HMCN1: variants seen among roughly 807,000 people sequenced by gnomAD.
The protein encoded by HMCN1 is hemicentin 1.
In HMCN1, 321 loss-of-function variants were observed where a neutral mutation model predicts 625.9. That is an observed-to-expected ratio of 0.51 (90% CI 0.47 to 0.56). The LOEUF is 0.56. Among genes scored for constraint, HMCN1 ranks in the 20% least tolerant of loss-of-function variants. HMCN1 has a pLI of 0.00. For missense variants in HMCN1, 6,588 were observed against 6,887.3 expected (o/e 0.96, Z 1.54); for synonymous variants, 2,425 against 2,417.6 (o/e 1.00, Z -0.09).
chr1:186,091,051 C>G (rs1659814988), intron 64 of HMCN1, 134 bp downstream of exon 64: 1 of 1,039,164 alleles, frequency 9.6e-7, no homozygotes, highest in South Asian at 1.5e-5. Context: ...CACAAAGAAA[C>G]AAAAAACTTT....
At chr1:185,858,523 G>C (rs1571457100) in intron 2 of HMCN1, among the ~76,000 whole-genome samples, 1 of 133,554 alleles carries the variant, frequency 7.5e-6, no homozygotes, top group East Asian at 2.4e-4. Flanking sequence ...CACTTACCCA[G>C]AGCCTTCTGA....
chr1:186,167,183 T>C (rs186579637), intron 100 of HMCN1, among the ~76,000 whole-genome samples: 1 of 152,328 alleles, frequency 6.6e-6, no homozygotes, highest in East Asian at 1.9e-4. Context: ...CCACAGCTAT[T>C]TTAAATATGT....
At chr1:186,094,082 G>T (rs985233515) in intron 66 of HMCN1, among the ~76,000 whole-genome samples, 194 bp from the exon 67 acceptor site, 4 of 152,008 alleles carry the variant, frequency 2.6e-5, no homozygotes, top group African/African-American at 7.2e-5. Flanking sequence ...GTGGTTTATT[G>T]TCACTGCCTA....
At chr1:185,742,307 T>C (rs934376656) in intron 1 of HMCN1, among the ~76,000 whole-genome samples, 1 of 152,192 alleles carries the variant, frequency 6.6e-6, no homozygotes, top group African/African-American at 2.4e-5. Flanking sequence ...GGGAGAAATA[T>C]TGACGTTATA....
chr1:186,182,195 C>G lies in HMCN1; in HGVS notation c.16322C>G (p.Ala5441Gly). ...VDIDECENTD[A>G]CQHECKNTFG... is the part of the protein sequence containing the mutation. ...ATTGATGAATGTGAAAATACAGATG[C>G]CTGCCAGCATGAGTGTAAGAATACC... The change falls in exon 105 of 107, where the codon GCC becomes GGC. Residue 5441 changes from alanine to glycine, a missense_variant. Physicochemically the swap from Ala to Gly is moderately conservative, Grantham distance 60 (BLOSUM62 0). Transcript: ENST00000271588. 1 of 1,613,308 alleles carries G rather than the reference C, an allele frequency of 6.2e-7. No individual in the cohort carries two copies. Among genetic ancestry groups the G allele is most frequent in the African/African-American group, 1.3e-5 (1 of 74,968 alleles).
chr1:186,093,205 T>C lies in HMCN1; in HGVS notation c.9959T>C (p.Val3320Ala). 6.2e-7 allele frequency: 1 copy of C among 1,613,310 alleles called. No individual in the cohort carries two copies. ...LTSDTGKYTC[V>A]ATNPAGEEDR... Reference sequence around the variant, plus strand: ...TCTGACACGGGGAAATACACATGTGTTGCTACTAATCCCGCTGGAGAAGAA... The same window carrying C: ...TCTGACACGGGGAAATACACATGTGCTGCTACTAATCCCGCTGGAGAAGAA... The change falls in exon 65 of 107, where the codon GTT (valine) becomes GCT (alanine). Residue 3320 changes from valine to alanine, a missense_variant. This residue lies in a region of HMCN1 where 4,628 missense variants were observed against 4,853.1 expected (regional missense o/e 0.95). Transcript: ENST00000271588.
At chr1:185,855,208 A>G (rs1430154993) in intron 2 of HMCN1, among the ~76,000 whole-genome samples, 1 of 152,178 alleles carries the variant, frequency 6.6e-6, no homozygotes, top group Non-Finnish European at 1.5e-5. Context: ...CAAACAAGGG[A>G]ACCACTTGTT....
intron 11 of HMCN1, among the ~76,000 whole-genome samples, chr1:185,942,156 A>C (rs1393015132): frequency 6.7e-6 from 1 of 149,216 alleles, no homozygotes; most frequent in Non-Finnish European, 1.5e-5. Context: ...ACGCCACTGC[A>C]CTCCAGCCTG....
Position 186,187,944 on chromosome 1 carries a change from G to A in HMCN1, c.16476G>A (p.Met5492Ile). ...HCGPNRMCFN[M>I]RGSYQCIDTP... ...GACCCAATCGCATGTGCTTCAACATGAGAGGAAGCTACCAGTGCATCGATA... is the reference window on the plus strand; with the variant it reads ...GACCCAATCGCATGTGCTTCAACATAAGAGGAAGCTACCAGTGCATCGATA... Residue 5492 changes from methionine to isoleucine, a missense_variant, in exon 106 of 107, where the codon ATG (methionine) becomes ATA (isoleucine). By Grantham distance (10) the Met-to-Ile change is conservative. This residue lies in a region of HMCN1 where 1,954 missense variants were observed against 2,013.1 expected (regional missense o/e 0.97). Transcript: ENST00000271588. 1 of 1,613,766 alleles carries A rather than the reference G, an allele frequency of 6.2e-7. No individual in the cohort carries two copies. Among genetic ancestry groups the A allele is most frequent in the Non-Finnish European group, 8.5e-7 (1 of 1,179,736 alleles).
At chr1:186,158,868 G>A (rs1003448284) in intron 97 of HMCN1, among the ~76,000 whole-genome samples, 7 of 151,918 alleles carry the variant, frequency 4.6e-5, no homozygotes, top group South Asian at 2.1e-4. Context: ...GTCAGGTAGC[G>A]TGATGCCTCC....
At chr1:186,123,323 A>G in intron 81 of HMCN1, 103 bp downstream of exon 81, 1 of 1,335,792 alleles carries the variant, frequency 7.5e-7, no homozygotes, top group Non-Finnish European at 1.0e-6. Context: ...CCTTAAACTC[A>G]GTAATCCAAA....
chr1:185,984,410 G>GAGGAAC, intron 19 of HMCN1, 97 bp downstream of exon 19: 1 of 1,124,194 alleles, frequency 8.9e-7, no homozygotes. Flanking sequence ...ATTACAATTA[G>GAGGAAC]ATATCTCTCT....
intron 1 of HMCN1, among the ~76,000 whole-genome samples, chr1:185,777,966 G>A (rs1450246711): frequency 6.6e-6 from 1 of 152,184 alleles, no homozygotes; most frequent in Non-Finnish European, 1.5e-5. Context: ...GAAAGGGGCT[G>A]TGGCTGTCTA....
intron 43 of HMCN1, 110 bp downstream of exon 43, chr1:186,053,184 C>G: frequency 9.8e-7 from 1 of 1,018,644 alleles, no homozygotes; most frequent in Non-Finnish European, 1.5e-6. Context: ...GGTTTGCATA[C>G]TAAATGCTAG....
chr1:185,977,320 C>G (rs941194356), intron 15 of HMCN1, among the ~76,000 whole-genome samples: 2 of 151,904 alleles, frequency 1.3e-5, no homozygotes, highest in African/African-American at 2.4e-5. Flanking sequence ...ATAGTGTTAG[C>G]TTGTTATATA....
intron 15 of HMCN1, among the ~76,000 whole-genome samples, chr1:185,973,741 A>G (rs1558107964): frequency 6.6e-6 from 1 of 152,190 alleles, no homozygotes; most frequent in Admixed American, 6.5e-5. Flanking sequence ...TATCCTTTGT[A>G]AAAAGGGATA....
chr1:186,117,589 T>C lies in HMCN1; in HGVS notation c.11814T>C (p.Leu3938=). The C allele has an allele frequency of 6.2e-7, 1 of 1,613,890 alleles. No homozygotes were observed. The highest frequency in any genetic ancestry group is 8.5e-7 in the Non-Finnish European group (1 of 1,179,824). ...IHWTKNGIRL[L]PRGDGYRILS... is the part of the protein sequence containing the mutation. ...GGACCAAAAATGGTATAAGACTGCT[T>C]CCCAGGGGAGATGGCTATAGAATTC... Residue 3938 remains leucine, a synonymous_variant, in exon 77 of 107, where the codon CTT becomes CTC. Transcript: ENST00000271588.
chr1:186,045,197 A>T (rs1001848455), intron 40 of HMCN1, among the ~76,000 whole-genome samples: 15 of 152,192 alleles, frequency 9.9e-5, no homozygotes, highest in African/African-American at 3.6e-4. Flanking sequence ...ATTATCTGAC[A>T]CCAATTTTAT....
At chr1:186,012,868 A>G (rs1654094229) in intron 30 of HMCN1, among the ~76,000 whole-genome samples, 1 of 152,170 alleles carries the variant, frequency 6.6e-6, no homozygotes, top group Admixed American at 6.6e-5. Flanking sequence ...GTTTATTAGA[A>G]CAGGTATAGT....
Sources: gnomAD v4.1 joint callset for allele counts (sites outside exome capture counted in the v4.1 genomes callset) on GRCh38, gnomAD v4.1.1 for gene constraint, gnomAD v4.1.1 regional missense constraint, MANE v1.5 for transcripts, NCBI Gene and HGNC (gene_info 2026-07-23, HGNC 2026-07-21) for gene names.